Variants in GSN observed in about 807,000 individuals in gnomAD.
GSN encodes gelsolin, also known as actin-depolymerizing factor.
In GSN, 56 loss-of-function variants were observed where a neutral mutation model predicts 85.7. The observed-to-expected ratio is 0.65, with a 90% CI of 0.53 to 0.82. The LOEUF is 0.82. GSN is among the 40% of genes least tolerant of loss of function. The pLI, the probability that GSN is intolerant of heterozygous loss-of-function variation, is 0.00. For synonymous variants in GSN, 373 were observed against 399.1 expected (o/e 0.93, Z 0.78); for missense variants, 857 against 979.8 (o/e 0.87, Z 1.67).
chr9:121,273,563 A>G (rs2056278541), intron 1 of GSN, among the ~76,000 whole-genome samples: 1 of 152,200 alleles, frequency 6.6e-6, no homozygotes, highest in Admixed American at 6.5e-5. Context: ...AACTAACCAG[A>G]GAAAATCACT....
chr9:121,302,744 T>C (rs1006722332), intron 3 of GSN, among the ~76,000 whole-genome samples, 167 bp from the exon 4 acceptor site: 7 of 152,170 alleles, frequency 4.6e-5, no homozygotes, highest in Non-Finnish European at 7.3e-5. Flanking sequence ...ATGAGGTCCA[T>C]CGTCCTGTTA....
chr9:121,278,636 G>T (rs143406446), intron 1 of GSN, among the ~76,000 whole-genome samples: 2 of 152,332 alleles, frequency 1.3e-5, no homozygotes, highest in Non-Finnish European at 1.5e-5. Flanking sequence ...AAACAGGCAC[G>T]TAGTGAGAGC....
chr9:121,266,039 A>T (rs1387758751), upstream of GSN, among the ~76,000 whole-genome samples: 1 of 152,206 alleles, frequency 6.6e-6, no homozygotes, highest in African/African-American at 2.4e-5. Flanking sequence ...TATCTTCATT[A>T]TCATTTCTAA....
intron 7 of GSN, among the ~76,000 whole-genome samples, chr9:121,315,079 T>G (rs1047779479): frequency 1.3e-5 from 2 of 152,182 alleles, no homozygotes; most frequent in African/African-American, 4.8e-5. Flanking sequence ...CAGGCTGGTC[T>G]CAAACTCCTG....
Position 121,313,482 on chromosome 9 carries a change from A to G in GSN, c.664-452A>G, listed in dbSNP as rs1190468599. 1.2e-5 allele frequency: 3 copies of G among 250,652 alleles called. No individual in the cohort carries two copies. In the Admixed American group the frequency reaches 1.5e-4, roughly 13 times the overall value. 15.5% of individuals were successfully genotyped at this position (250,652 alleles called of 1,614,324 possible). ...TGAAGCCACAGGGATGGAGGTTCAG[A>G]TTCTGGCTTAGCCACCTAATAGCTG... is the stretch of plus-strand genomic sequence containing the variant. On this transcript the variant is annotated intron_variant, in intron 6 of 17. Coordinates refer to ENST00000432226, the MANE Select transcript of GSN (RefSeq NM_198252.3).
intron 2 of GSN, among the ~76,000 whole-genome samples, chr9:121,298,014 C>T (rs531585421): frequency 3.3e-5 from 5 of 152,080 alleles, no homozygotes; most frequent in African/African-American, 1.2e-4. Context: ...GGAGAGCTCT[C>T]TGAATTTAGG....
intron 2 of GSN, among the ~76,000 whole-genome samples, chr9:121,294,765 C>G (rs1002827054): frequency 1.3e-5 from 2 of 152,226 alleles, no homozygotes; most frequent in African/African-American, 2.4e-5. Context: ...AGTTCTAGAT[C>G]TACTCTGCCA....
chr9:121,265,655 C>T (rs772772401), upstream of GSN: 6 of 152,238 alleles, frequency 3.9e-5, no homozygotes, highest in Admixed American at 6.5e-5. Flanking sequence ...CTTCATTTCT[C>T]CCCAGCCTCA....
At chr9:121,274,802 A>G (rs979684557) in intron 1 of GSN, among the ~76,000 whole-genome samples, 26 of 152,322 alleles carry the variant, frequency 1.7e-4, no homozygotes, top group African/African-American at 6.3e-4. Flanking sequence ...CAGTGGGGGC[A>G]TGGTGGAGGA....
In GSN at chr9:121,317,211, C is replaced by G; in HGVS notation, c.879C>G (p.Val293=). ...ACGGCAAAGATGGGAAAATCTTTGT[C>G]TGGAAAGGTACTGGAGACAGGGAAA... is the stretch of plus-strand genomic sequence containing the variant. ...LDHGKDGKIF[V]WKGKQANTEE... is the part of the protein sequence containing the mutation. Residue 293 remains valine (V), a synonymous_variant, in exon 8 of 18, where the codon GTC becomes GTG. Transcript: ENST00000432226. 6.2e-7 allele frequency: 1 copy of G among 1,614,110 alleles called. No homozygotes were observed. Among genetic ancestry groups the G allele is most frequent in the Non-Finnish European group, 8.5e-7 (1 of 1,180,014 alleles).
intron 2 of GSN, among the ~76,000 whole-genome samples, chr9:121,298,497 CG>C (rs887110839): frequency 6.6e-6 from 1 of 152,144 alleles, no homozygotes; most frequent in African/African-American, 2.4e-5. Flanking sequence ...GCTGGACTTC[CG>C]GAAGAGCTGG....
At chr9:121,327,162 CA>C (rs1233828899) in intron 13 of GSN, 145 bp from the exon 14 acceptor site, 3 of 792,506 alleles carry the variant, frequency 3.8e-6, no homozygotes, top group Non-Finnish European at 6.9e-6. Flanking sequence ...CATCAGGGTC[CA>C]AAGTCTGTGC....
At chr9:121,243,044 A>G (rs1276805827) in intron 5 of GSN, among the ~76,000 whole-genome samples, 3 of 152,288 alleles carry the variant, frequency 2.0e-5, no homozygotes, top group African/African-American at 2.4e-5. Context: ...GTAACTTAAC[A>G]CAACACAATT....
chr9:121,290,984 C>T (rs774921368), intron 2 of GSN, among the ~76,000 whole-genome samples: 1 of 151,834 alleles, frequency 6.6e-6, no homozygotes, highest in Non-Finnish European at 1.5e-5. Flanking sequence ...GTTCATTCCA[C>T]GTATCTGCTA....
At chr9:121,328,750 G>A in intron 14 of GSN, 141 bp from the exon 15 acceptor site, 5 of 911,250 alleles carry the variant, frequency 5.5e-6, no homozygotes, top group East Asian at 4.9e-5. Context: ...TCTTCCCTCT[G>A]GATCTCCTGG....
At chr9:121,277,665 C>G (rs1246422614) in intron 1 of GSN, among the ~76,000 whole-genome samples, 2 of 152,024 alleles carry the variant, frequency 1.3e-5, no homozygotes, top group Admixed American at 1.3e-4. Context: ...AAATACTTTG[C>G]TGCTTAATTA....
At chr9:121,325,499 C>T (rs1344227655) in intron 12 of GSN, among the ~76,000 whole-genome samples, 1 of 152,064 alleles carries the variant, frequency 6.6e-6, no homozygotes, top group African/African-American at 2.4e-5. Flanking sequence ...ACGATGTTGA[C>T]CTTGATGCTG....
At chr9:121,279,942 T>A (rs993664817) in intron 1 of GSN, 2 of 152,216 alleles carry the variant, frequency 1.3e-5, no homozygotes, top group Non-Finnish European at 2.9e-5. Context: ...GCAGCCCAGA[T>A]AAGTGTCTGG....
chr9:121,321,299 C>G lies in GSN; in HGVS notation c.1223C>G (p.Pro408Arg), dbSNP rs1256527346. The change falls in exon 11 of 18, where the codon CCC (proline) becomes CGC (arginine). Residue 408 changes from proline to arginine, a missense_variant. Coordinates refer to ENST00000432226, the MANE Select transcript of GSN (RefSeq NM_198252.3). ...AGAATCGAAGGTTCCAACAAGGTGC[C>G]CGTGGACCCTGCCACATATGGACAG... Reference protein sequence around the residue: ...IWRIEGSNKVPVDPATYGQFY... With the variant: ...IWRIEGSNKVRVDPATYGQFY... 6.2e-7 allele frequency: 1 copy of G among 1,613,984 alleles called. No homozygotes were observed. The highest frequency in any genetic ancestry group is 8.5e-7 in the Non-Finnish European group (1 of 1,179,856).
Sources: gnomAD v4.1 joint callset for allele counts (sites outside exome capture counted in the v4.1 genomes callset) on GRCh38, gnomAD v4.1.1 for gene constraint, MANE v1.5 for transcripts, NCBI Gene and HGNC (gene_info 2026-07-23, HGNC 2026-07-21) for gene names.